Variants in CLDN11 observed in about 807,000 individuals in gnomAD.
CLDN11 encodes claudin-11.
In CLDN11, 1 loss-of-function variant was observed where a neutral mutation model predicts 18.0. The observed-to-expected ratio is 0.06, with a 90% CI of 0.02 to 0.26. The LOEUF (loss-of-function observed/expected upper bound fraction) is 0.26. Ranked by LOEUF, CLDN11 falls within the 10% of genes least tolerant of loss-of-function variation. CLDN11 has a pLI of 1.00. For missense variants in CLDN11, 172 were observed against 276.6 expected (o/e 0.62, Z 2.68); for synonymous variants, 116 against 121.5 (o/e 0.96, Z 0.30).
chr3:170,429,348 T>C (rs1738943468), intron 2 of CLDN11, among the ~76,000 whole-genome samples: 1 of 152,162 alleles, frequency 6.6e-6, no homozygotes, highest in African/African-American at 2.4e-5. Flanking sequence ...CTGGCACTCA[T>C]TTGCCTTGTT....
chr3:170,434,605 G>C lies in CLDN11; in HGVS notation c.*1849G>C, dbSNP rs1225909738. Among the ~76,000 whole-genome samples the C allele has an allele frequency of 6.6e-6, 1 of 152,194 alleles. No individual in the cohort carries two copies. ...TTTTCTGTTCCAGAAACTTCATCAA[G>C]TTACGGGCCTGGTCTAAGAAAACAC... On this transcript the variant is annotated 3_prime_UTR_variant, in exon 3 of 3. Transcript: ENST00000064724.
Position 170,423,218 on chromosome 3 carries a change from G to C in CLDN11, c.282G>C (p.Pro94=), listed in dbSNP as rs141421186. 2 of 1,614,178 alleles carry C rather than the reference G, an allele frequency of 1.2e-6. No homozygotes were observed. Among genetic ancestry groups the C allele is most frequent in the Non-Finnish European group, 8.5e-7 (1 of 1,180,024 alleles). ...LMIAASVLGL[P]AILLLLTVLP... Reference sequence around the variant, plus strand: ...TTGCTGCCTCGGTCCTGGGTCTGCCGGCCATTTTACTGCTGCTGACTGTTC... The same window carrying C: ...TTGCTGCCTCGGTCCTGGGTCTGCCCGCCATTTTACTGCTGCTGACTGTTC... Residue 94 remains proline, a synonymous_variant, in exon 2 of 3, where the codon CCG becomes CCC. Coordinates refer to ENST00000064724, the MANE Select transcript of CLDN11 (RefSeq NM_005602.6).
intron 1 of CLDN11, among the ~76,000 whole-genome samples, chr3:170,422,041 T>C (rs534371907): frequency 1.3e-5 from 2 of 152,254 alleles, no homozygotes; most frequent in South Asian, 2.1e-4. Context: ...TAAGCAATGA[T>C]GGACAGTTGG....
chr3:170,432,666 C>T lies in CLDN11; in HGVS notation c.534C>T (p.Cys178=), dbSNP rs780400487. 2.2e-5 allele frequency: 36 copies of T among 1,614,030 alleles called. No homozygotes were observed. The Admixed American group carries it at 2.7e-4, about 12-fold the overall frequency. Residue 178 remains cysteine (C), a synonymous_variant, in exon 3 of 3, where the codon TGC becomes TGT. Coordinates refer to ENST00000064724, the MANE Select transcript of CLDN11 (RefSeq NM_005602.6). ...CLVGGCVILC[C]AGDAQAFGEN... is the part of the protein sequence containing the mutation. ...TGGGTGGCTGTGTCATCCTCTGCTG[C>T]GCTGGAGATGCCCAGGCCTTTGGTG...
intron 1 of CLDN11, among the ~76,000 whole-genome samples, chr3:170,420,012 G>A (rs1020704579): frequency 1.3e-5 from 2 of 152,250 alleles, no homozygotes; most frequent in African/African-American, 4.8e-5. Context: ...GTTGGATAGG[G>A]ACGAGCGGGC....
chr3:170,419,579 AGTCCGTGTTAATTACTGCG>A lies in CLDN11; in HGVS notation c.226+292_226+310del, dbSNP rs1442749522. Reference sequence around the variant, plus strand: ...AAACCGGAACACCTAATAGGAACTGAGTCCGTGTTAATTACTGCGGTCCCAGCCCGCATCCTTCCACCGT... The same window carrying A: ...AAACCGGAACACCTAATAGGAACTGAGTCCCAGCCCGCATCCTTCCACCGT... On this transcript the variant is annotated intron_variant, in intron 1 of 2. Coordinates refer to ENST00000064724, the MANE Select transcript of CLDN11 (RefSeq NM_005602.6). The surrounding 1 kb of genome is among the most constrained non-coding windows in gnomAD (Gnocchi z 8.6). Among the ~76,000 whole-genome samples the A allele has an allele frequency of 1.3e-5, 2 of 152,232 alleles. No homozygotes were observed. Among genetic ancestry groups the A allele is most frequent in the Non-Finnish European group, 2.9e-5 (2 of 68,050 alleles).
rs1324983060 is a variant in CLDN11, at chr3:170,419,383, G to A, written c.226+91G>A. 5 of 922,630 alleles carry A rather than the reference G, an allele frequency of 5.4e-6. No homozygotes were observed. Among genetic ancestry groups the A allele is most frequent in the African/African-American group, 5.0e-5 (3 of 60,016 alleles). 57.2% of individuals were successfully genotyped at this position (922,630 alleles called of 1,614,324 possible). A position where few individuals can be genotyped will look rare whatever the true frequency, so the allele number is the denominator to read the frequency against. On this transcript the variant is annotated intron_variant, in intron 1 of 2. Coordinates refer to ENST00000064724, the MANE Select transcript of CLDN11 (RefSeq NM_005602.6). This position sits in a 1 kb window ranked among gnomAD's most constrained non-coding sequence, Gnocchi z 8.6. The stretch of plus-strand genomic sequence containing the variant: ...ACGGCGTCACAGAGACATTTTGGGG[G>A]CTTGAAGACCTTTGGGTACGTTTTT...
In CLDN11 at chr3:170,419,301, C is replaced by G. The variant is rs1738663977; in HGVS notation, c.226+9C>G. Reference sequence around the variant, plus strand: ...CATCCTCATCCTGCCGGGTAAGGACCCGAGCTTGGCGGCGGCTCCCAAATC... The same window carrying G: ...CATCCTCATCCTGCCGGGTAAGGACGCGAGCTTGGCGGCGGCTCCCAAATC... On this transcript the variant is annotated intron_variant, in intron 1 of 2. Transcript: ENST00000064724. This position sits in a 1 kb window ranked among gnomAD's most constrained non-coding sequence, Gnocchi z 8.6. The G allele has an allele frequency of 6.5e-7, 1 of 1,537,652 alleles. No homozygotes were observed. Among genetic ancestry groups the G allele is most frequent in the Non-Finnish European group, 8.8e-7 (1 of 1,134,618 alleles).
At chr3:170,424,568 T>C in intron 2 of CLDN11, among the ~76,000 whole-genome samples, 1 of 152,228 alleles carries the variant, frequency 6.6e-6, no homozygotes, top group East Asian at 1.9e-4. Flanking sequence ...CTAGTTTCAT[T>C]AGCACATTCT....
rs866940906 is a variant in CLDN11, at chr3:170,419,268, C to A, written c.202C>A (p.Leu68Met). ...MATGLYHCKPLVDILILPGYV... is the reference protein window; with the variant it reads ...MATGLYHCKPMVDILILPGYV... ...CACGGGGCTGTACCACTGCAAGCCC[C>A]TGGTGGACATCCTCATCCTGCCGGG... Residue 68 changes from leucine (L) to methionine (M), a missense_variant, in exon 1 of 3, where the codon CTG becomes ATG. By Grantham distance (15) the Leu-to-Met change is conservative (BLOSUM62 2). Transcript: ENST00000064724. The surrounding 1 kb of genome is among the most constrained non-coding windows in gnomAD (Gnocchi z 8.6). 1 of 1,567,350 alleles carries A rather than the reference C, an allele frequency of 6.4e-7. No homozygotes were observed. The highest frequency in any genetic ancestry group is 2.4e-5 in the East Asian group (1 of 41,802).
rs1193218187 is a variant in CLDN11 at position 170,433,648 on chromosome 3, G to A, written c.*892G>A. 1 of 152,508 alleles carries A rather than the reference G, an allele frequency of 6.6e-6. No homozygotes were observed. The highest frequency in any genetic ancestry group is 2.4e-5 in the African/African-American group (1 of 41,404). 9.4% of individuals were successfully genotyped at this position (152,508 alleles called of 1,614,324 possible). A position where few individuals can be genotyped will look rare whatever the true frequency, so the allele number is the denominator to read the frequency against. ...GGGCCAGGGGTAGGGATATTTTTTA[G>A]TTTGTGATTTTACATTTATCTGTAC... On this transcript the variant is annotated 3_prime_UTR_variant, in exon 3 of 3. Transcript: ENST00000064724.
At position 170,419,753 on chromosome 3, in the gene CLDN11, G is replaced by A. The variant is rs1738676179; in HGVS notation, c.226+461G>A. ...TGACAGGAGAATCGAACCGGCTCAG[G>A]CTGAGTTTCTCGGTCCTCATGGGAT... On this transcript the variant is annotated intron_variant, in intron 1 of 2. Coordinates refer to ENST00000064724, the MANE Select transcript of CLDN11 (RefSeq NM_005602.6). This position sits in a 1 kb window ranked among gnomAD's most constrained non-coding sequence, Gnocchi z 8.6. 1.3e-5 allele frequency among the ~76,000 whole-genome samples: 2 copies of A among 152,252 alleles called. No individual in the cohort carries two copies. The highest frequency in any genetic ancestry group is 4.8e-5 in the African/African-American group (2 of 41,470).
chr3:170,421,138 G>A (rs904503308), intron 1 of CLDN11: 11 of 154,872 alleles, frequency 7.1e-5, no homozygotes, highest in African/African-American at 9.8e-5. Flanking sequence ...AGAGGGGAGT[G>A]CATACTCTGG....
intron 2 of CLDN11, among the ~76,000 whole-genome samples, chr3:170,428,128 C>G (rs917491942): frequency 1.6e-5 from 2 of 127,642 alleles, no homozygotes; most frequent in East Asian, 4.8e-4. Context: ...GCCTGGGTGA[C>G]AGATATCCTA....
chr3:170,426,227 A>T (rs1738850833), intron 2 of CLDN11, among the ~76,000 whole-genome samples: 1 of 152,206 alleles, frequency 6.6e-6, no homozygotes, highest in African/African-American at 2.4e-5. Context: ...GACCCTGAAA[A>T]TCTGTAATTA....
chr3:170,421,353 C>T lies in CLDN11; in HGVS notation c.227-1810C>T, dbSNP rs569238616. On this transcript the variant is annotated intron_variant, in intron 1 of 2. Transcript: ENST00000064724. Reference sequence around the variant, plus strand: ...CCTGCTTTGTGTGAGTACTGGCTCTCTACAAGCCGCAGAGGCGGACGGCTG... The same window carrying T: ...CCTGCTTTGTGTGAGTACTGGCTCTTTACAAGCCGCAGAGGCGGACGGCTG... 57 of 964,292 alleles carry T rather than the reference C, an allele frequency of 5.9e-5. 1 individual carries two copies. The South Asian group carries it at 2.4e-3, about 41-fold the overall frequency. 59.7% of individuals were successfully genotyped at this position (964,292 alleles called of 1,614,324 possible).
intron 2 of CLDN11, among the ~76,000 whole-genome samples, chr3:170,423,939 G>T (rs1738780185): frequency 1.4e-5 from 2 of 145,960 alleles, no homozygotes; most frequent in Non-Finnish European, 3.0e-5. Flanking sequence ...TAAGGCAGGA[G>T]AATGATTTGA....
At chr3:170,421,701 C>T (rs766374217) in intron 1 of CLDN11, among the ~76,000 whole-genome samples, 3 of 152,026 alleles carry the variant, frequency 2.0e-5, no homozygotes, top group Non-Finnish European at 4.4e-5. Flanking sequence ...ACCCCCCCCA[C>T]CTTTTTTAAG....
rs1437128739 is a variant in CLDN11 at position 170,433,844 on chromosome 3, T to G, written c.*1088T>G. 6.6e-6 allele frequency: 1 copy of G among 152,660 alleles called. No individual in the cohort carries two copies. The highest frequency in any genetic ancestry group is 1.5e-5 in the Non-Finnish European group (1 of 68,038). The allele number at this position is 152,660 out of a possible 1,614,324, so 9.5% of individuals were successfully genotyped here. On this transcript the variant is annotated 3_prime_UTR_variant, in exon 3 of 3. Coordinates refer to ENST00000064724, the MANE Select transcript of CLDN11 (RefSeq NM_005602.6). Reference sequence around the variant, plus strand: ...TTTTTGATTTCAGGTTTGTATGATGTAGTTTTTAATCGTACATTTTCATAT... The same window carrying G: ...TTTTTGATTTCAGGTTTGTATGATGGAGTTTTTAATCGTACATTTTCATAT...
Sources: allele counts gnomAD v4.1 joint callset (sites outside exome capture counted in the v4.1 genomes callset), GRCh38; gene constraint gnomAD v4.1.1; non-coding constraint Gnocchi (gnomAD v3.1); transcripts MANE v1.5; gene names NCBI Gene and HGNC (gene_info 2026-07-23, HGNC 2026-07-21).